NBEAL1: variants seen among roughly 807,000 people sequenced by gnomAD.
NBEAL1 encodes neurobeachin like 1.
In NBEAL1, 273 loss-of-function variants were observed where a neutral mutation model predicts 351.3. The observed-to-expected ratio is 0.78, with a 90% CI of 0.70 to 0.86. NBEAL1 has a LOEUF of 0.86. NBEAL1 is among the 40% of genes least tolerant of loss of function. NBEAL1 has a pLI of 0.00. For synonymous variants in NBEAL1, 1,050 were observed against 1,086.4 expected, an observed-to-expected ratio of 0.97 and a Z score of 0.66; for missense variants, 2,961 against 3,201.3, an observed-to-expected ratio of 0.92 and a Z score of 1.81.
At chr2:203,180,787 G>C (rs1342186260) in intron 43 of NBEAL1, among the ~76,000 whole-genome samples, 1 of 151,924 alleles carries the variant, frequency 6.6e-6, no homozygotes, top group Non-Finnish European at 1.5e-5. Flanking sequence ...TGCTATTTCA[G>C]CTATATATAC....
chr2:203,066,016 G>A (rs886699613), intron 6 of NBEAL1, among the ~76,000 whole-genome samples: 23 of 152,054 alleles, frequency 1.5e-4, no homozygotes, highest in Admixed American at 1.0e-3. Flanking sequence ...TTTAATTTTT[G>A]TGTTCTAATA....
intron 54 of NBEAL1, 28 bp from the exon 55 acceptor site, chr2:203,213,490 A>T (rs1262379677): frequency 6.3e-7 from 1 of 1,579,876 alleles, no homozygotes; most frequent in African/African-American, 1.3e-5. Context: ...CCGTGTAATT[A>T]TGTCTGTATT....
At chr2:203,106,735 T>G (rs1559369466) in intron 12 of NBEAL1, among the ~76,000 whole-genome samples, 1 of 152,178 alleles carries the variant, frequency 6.6e-6, no homozygotes, top group Non-Finnish European at 1.5e-5. Flanking sequence ...TTTACTTGTT[T>G]TGTTAAATTT....
chr2:203,063,588 GAAAA>G (rs561021390), intron 6 of NBEAL1, among the ~76,000 whole-genome samples: 4 of 151,054 alleles, frequency 2.6e-5, no homozygotes, highest in African/African-American at 7.3e-5. Flanking sequence ...GAGGAGAAAA[GAAAA>G]AAAGAAATCT....
At chr2:203,026,791 G>A (rs536647198) in intron 2 of NBEAL1, among the ~76,000 whole-genome samples, 28 of 152,278 alleles carry the variant, frequency 1.8e-4, no homozygotes, top group South Asian at 4.1e-4. Flanking sequence ...GGGATTACAG[G>A]CGTGAGCCAC....
At chr2:203,122,470 A>G (rs1381079557) in intron 19 of NBEAL1, 127 bp downstream of exon 19, 1 of 607,632 alleles carries the variant, frequency 1.6e-6, no homozygotes, top group East Asian at 3.3e-5. Context: ...TTATGCAAAC[A>G]TACAATTTGA....
chr2:203,195,982 G>A (rs967552230), intron 47 of NBEAL1, among the ~76,000 whole-genome samples: 1 of 152,082 alleles, frequency 6.6e-6, no homozygotes, highest in Non-Finnish European at 1.5e-5. Context: ...TGAACTGTTC[G>A]CCAGCCAAGT....
At chr2:203,140,623 T>C (rs2063342269) in intron 31 of NBEAL1, among the ~76,000 whole-genome samples, 2 of 152,190 alleles carry the variant, frequency 1.3e-5, no homozygotes, top group South Asian at 4.1e-4. Flanking sequence ...GATGGTGGAA[T>C]TTTGAATTAT....
At position 203,070,359 on chromosome 2, in the gene NBEAL1, C is replaced by CTTTTT. The variant is rs34588218; in HGVS notation, c.598+1900_598+1904dup. On this transcript the variant is annotated intron_variant, in intron 7 of 55. Coordinates refer to ENST00000683969, the MANE Select transcript of NBEAL1 (RefSeq NM_001378026.1). Reference sequence around the variant, plus strand: ...TGTATTTCTCTCTCTCTCTCTCTCTCTTTTTTTTTTTTTTTTTTTTGAGAA... The same window carrying CTTTTT: ...TGTATTTCTCTCTCTCTCTCTCTCTCTTTTTTTTTTTTTTTTTTTTTTTTTGAGAA... Among the ~76,000 whole-genome samples, 20 of 92,336 alleles carry CTTTTT rather than the reference C, an allele frequency of 2.2e-4. 1 individual carries two copies. Among genetic ancestry groups the CTTTTT allele is most frequent in the Non-Finnish European group, 3.6e-4 (17 of 46,780 alleles). 60.6% of individuals were successfully genotyped at this position (92,336 alleles called of 152,430 possible). A position where few individuals can be genotyped will look rare whatever the true frequency, so the allele number is the denominator to read the frequency against.
Position 203,190,156 on chromosome 2 carries a change from G to A in NBEAL1, c.6824-136G>A, listed in dbSNP as rs1244898388. 184 of 391,758 alleles carry A rather than the reference G, an allele frequency of 4.7e-4. 5 individuals are homozygous for A. The highest frequency in any genetic ancestry group is 6.4e-4 in the Non-Finnish European group (147 of 231,128). 24.3% of individuals were successfully genotyped at this position (391,758 alleles called of 1,614,324 possible). On this transcript the variant is annotated intron_variant, in intron 45 of 55. Coordinates refer to ENST00000683969, the MANE Select transcript of NBEAL1 (RefSeq NM_001378026.1). ...GTCTCAAAAAAAAAAAAAAAGATGTGTGTACACACACACACACACACACAC... is the reference window on the plus strand; with the variant it reads ...GTCTCAAAAAAAAAAAAAAAGATGTATGTACACACACACACACACACACAC...
At chr2:203,043,503 G>A (rs2061176302) in intron 3 of NBEAL1, among the ~76,000 whole-genome samples, 1 of 152,112 alleles carries the variant, frequency 6.6e-6, no homozygotes. Flanking sequence ...CACTTTGGGA[G>A]GTTGAGGCAG....
At chr2:203,157,660 T>C in intron 35 of NBEAL1, 39 bp from the exon 36 acceptor site, 1 of 1,492,362 alleles carries the variant, frequency 6.7e-7, no homozygotes, top group Non-Finnish European at 8.9e-7. Context: ...AATATTGTTT[T>C]TTACTTTATG....
At chr2:203,099,584 G>A (rs2062264347) in intron 11 of NBEAL1, 45 bp from the exon 12 acceptor site, 7 of 1,280,110 alleles carry the variant, frequency 5.5e-6, no homozygotes, top group Middle Eastern at 1.9e-4. Context: ...AATAAAAATC[G>A]TGAGCACATT....
rs762739271 is a variant in NBEAL1 at position 203,150,437 on chromosome 2, AAT to A, written c.5463-1015_5463-1014del. On this transcript the variant is annotated intron_variant, in intron 34 of 55. Coordinates refer to ENST00000683969, the MANE Select transcript of NBEAL1 (RefSeq NM_001378026.1). The stretch of plus-strand genomic sequence containing the variant: ...GTTGAATTGTAAGAATGTATATATA[AAT>A]ATATATATATATCGAATAATAGACC... 1.8e-4 allele frequency among the ~76,000 whole-genome samples: 27 copies of A among 151,128 alleles called. No individual in the cohort carries two copies. In the East Asian group the frequency reaches 4.6e-3, roughly 26 times the overall value.
rs777998130 is a variant in NBEAL1, at chr2:203,209,214, A to G, written c.7677A>G (p.Leu2559=). The G allele has an allele frequency of 6.2e-7, 1 of 1,613,690 alleles. No homozygotes were observed. The highest frequency in any genetic ancestry group is 1.1e-5 in the South Asian group (1 of 91,062). ...TIQKGQYMRT[L]RPPCESSLFL... ...AGAAAGGTCAGTACATGAGGACTTT[A>G]CGACCACCTTGTGAGAGTTCTCTGT... The change falls in exon 53 of 56, where the codon TTA becomes TTG. Residue 2559 remains leucine (L), a synonymous_variant. Transcript: ENST00000683969.
rs531358043 is a variant in NBEAL1, at chr2:203,096,469, GTCTC to G, written c.1099-1075_1099-1072del. On this transcript the variant is annotated intron_variant, in intron 10 of 55. Transcript: ENST00000683969. ...TCTTAATAAATTCCTTTATAAATCT[GTCTC>G]TCCCTTTGAGTATCATTTGAATTTT... 1.1e-4 allele frequency among the ~76,000 whole-genome samples: 16 copies of G among 152,168 alleles called. 1 individual carries two copies. The South Asian group carries it at 3.3e-3, about 32-fold the overall frequency.
intron 26 of NBEAL1, 138 bp downstream of exon 26, chr2:203,132,270 T>G: frequency 1.6e-6 from 1 of 606,200 alleles, no homozygotes; most frequent in African/African-American, 1.9e-5. Flanking sequence ...ATATCTTACG[T>G]AGTTTTGTTG....
Position 203,136,024 on chromosome 2 carries a change from G to A in NBEAL1, c.4161G>A (p.Glu1387=). 1 of 1,613,434 alleles carries A rather than the reference G, an allele frequency of 6.2e-7. No homozygotes were observed. Among genetic ancestry groups the A allele is most frequent in the Non-Finnish European group, 8.5e-7 (1 of 1,179,684 alleles). ...SSVGELSFKS[E]NQEEFWHSNP... Reference sequence around the variant, plus strand: ...TGGGAGAATTGTCTTTCAAATCAGAGAATCAAGAGGAATTCTGGCATAGTA... The same window carrying A: ...TGGGAGAATTGTCTTTCAAATCAGAAAATCAAGAGGAATTCTGGCATAGTA... The change falls in exon 28 of 56, where the codon GAG becomes GAA. Residue 1387 remains glutamate, a synonymous_variant. Coordinates refer to ENST00000683969, the MANE Select transcript of NBEAL1 (RefSeq NM_001378026.1).
At chr2:203,099,027 C>T (rs944699566) in intron 11 of NBEAL1, among the ~76,000 whole-genome samples, 1 of 152,112 alleles carries the variant, frequency 6.6e-6, no homozygotes, top group Non-Finnish European at 1.5e-5. Context: ...GTAATCCCAG[C>T]ACTTTGGGAG....
Sources: allele counts gnomAD v4.1 joint callset (sites outside exome capture counted in the v4.1 genomes callset), GRCh38; gene constraint gnomAD v4.1.1; transcripts MANE v1.5; gene names NCBI Gene and HGNC (gene_info 2026-07-23, HGNC 2026-07-21).